SIX4: variants seen among roughly 807,000 people sequenced by gnomAD.
SIX4 encodes SIX homeobox 4.
In SIX4, 23 loss-of-function variants were observed where a neutral mutation model predicts 51.5. The ratio of observed to expected loss-of-function variants is 0.45; its 90% CI spans 0.32 to 0.63. SIX4 has a LOEUF of 0.63. Ranked by LOEUF, SIX4 falls within the 30% of genes least tolerant of loss-of-function variation. The probability of loss-of-function intolerance (pLI) is 0.04; values close to 1 mark genes in which losing one functional copy is unlikely to be tolerated. For synonymous variants in SIX4, 413 were observed against 417.3 expected (o/e 0.99, Z 0.13); for missense variants, 867 against 984.0 (o/e 0.88, Z 1.59).
chr14:60,713,179 C>T lies in SIX4; in HGVS notation c.*228G>A, dbSNP rs1212312325. The T allele has an allele frequency of 1.4e-5, 6 of 433,862 alleles. No individual in the cohort carries two copies. The East Asian group carries it at 2.3e-4, about 16-fold the overall frequency. The allele number at this position is 433,862 out of a possible 1,614,324, so 26.9% of individuals were successfully genotyped here. On this transcript the variant is annotated 3_prime_UTR_variant, in exon 3 of 3. Coordinates refer to ENST00000216513, the MANE Select transcript of SIX4 (RefSeq NM_017420.5). ...TACATTTCACCTTGTCCTTTGTCTCCATCTATTTAAAAGAGAAATTTATAA... is the reference window on the plus strand; with the variant it reads ...TACATTTCACCTTGTCCTTTGTCTCTATCTATTTAAAAGAGAAATTTATAA...
chr14:60,713,986 T>C lies in SIX4; in HGVS notation c.1767A>G (p.Gln589=), dbSNP rs1895871696. ...TTTCAGAAGACAGGTTTGCATTTACTTGTGCATTCTGATTGACAGGCATCA... is the reference window on the plus strand; with the variant it reads ...TTTCAGAAGACAGGTTTGCATTTACCTGTGCATTCTGATTGACAGGCATCA... The part of the protein sequence containing the change: ...SQLMPVNQNA[Q]VNANLSSENI... The change falls in exon 3 of 3, where the codon CAA becomes CAG. Residue 589 remains glutamine (Q), a synonymous_variant. Coordinates refer to ENST00000216513, the MANE Select transcript of SIX4 (RefSeq NM_017420.5). 3 of 1,614,066 alleles carry C rather than the reference T, an allele frequency of 1.9e-6. No homozygotes were observed. Among genetic ancestry groups the C allele is most frequent in the Non-Finnish European group, 2.5e-6 (3 of 1,180,020 alleles).
At position 60,724,240 on chromosome 14, in the gene SIX4, C is replaced by A. The variant is rs557023546; in HGVS notation, c.-166G>T. ...TGTATCTGGCCGATCAGGTTTCCCC[C>A]CGGCCACGCAGTCACCATTAAGATA... On this transcript the variant is annotated 5_prime_UTR_variant, in exon 1 of 3. Coordinates refer to ENST00000216513, the MANE Select transcript of SIX4 (RefSeq NM_017420.5). 1.5e-4 allele frequency: 238 copies of A among 1,540,092 alleles called. No homozygotes were observed. Among genetic ancestry groups the A allele is most frequent in the Admixed American group, 2.2e-4 (11 of 51,118 alleles).
Position 60,720,593 on chromosome 14 carries a change from T to G in SIX4, c.864-148A>C. The G allele has an allele frequency of 1.4e-6, 1 of 718,178 alleles. No individual in the cohort carries two copies. The highest frequency in any genetic ancestry group is 2.4e-5 in the South Asian group (1 of 42,022). The allele number at this position is 718,178 out of a possible 1,614,324, so 44.5% of individuals were successfully genotyped here. A position where few individuals can be genotyped will look rare whatever the true frequency, so the allele number is the denominator to read the frequency against. ...GGATATCTGCTAGTCCTATTTAAAC[T>G]AAGAGGCCTTTCAGCAGATTCCGAC... On this transcript the variant is annotated intron_variant, in intron 1 of 2. Transcript: ENST00000216513. The surrounding 1 kb of genome is among the most constrained non-coding windows in gnomAD (Gnocchi z 5.5).
chr14:60,713,135 A>C lies in SIX4; in HGVS notation c.*272T>G, dbSNP rs2140265703. On this transcript the variant is annotated 3_prime_UTR_variant, in exon 3 of 3. Transcript: ENST00000216513. ...ACCTTAGAATTATAGAGTCAACTAA[A>C]TGATTCACTTTGACTTGATACATTT... 3.1e-6 allele frequency: 1 copy of C among 318,772 alleles called. No individual in the cohort carries two copies. Among genetic ancestry groups the C allele is most frequent in the African/African-American group, 2.2e-5 (1 of 46,510 alleles). The allele number at this position is 318,772 out of a possible 1,614,324, so 19.7% of individuals were successfully genotyped here.
intron 2 of SIX4, among the ~76,000 whole-genome samples, chr14:60,716,661 TA>T (rs148910357): frequency 0.029 from 4,386 of 152,298 alleles, 172 homozygotes; most frequent in African/African-American, 0.093. Context: ...GTGTTAGAAT[TA>T]CAGGCGTGAC....
Position 60,722,920 on chromosome 14 carries a change from A to C in SIX4, c.863+292T>G. 8.6e-5 allele frequency: 27 copies of C among 313,224 alleles called. No individual in the cohort carries two copies. Among genetic ancestry groups the C allele is most frequent in the Middle Eastern group, 8.2e-4 (1 of 1,214 alleles). 19.4% of individuals were successfully genotyped at this position (313,224 alleles called of 1,614,324 possible). A position where few individuals can be genotyped will look rare whatever the true frequency, so the allele number is the denominator to read the frequency against. On this transcript the variant is annotated intron_variant, in intron 1 of 2. Transcript: ENST00000216513. This position sits in a 1 kb window ranked among gnomAD's most constrained non-coding sequence, Gnocchi z 5.9. ...CAAAGCCAGCGGGATGGGGGTGGGA[A>C]GCTGGGCAGCAGTGACCAGCCGAGG...
Position 60,713,727 on chromosome 14 carries a change from A to G in SIX4, c.2026T>C (p.Leu676=), listed in dbSNP as rs766811481. ...GCAGCCTGAGTCATAGGGACTGACA[A>G]TAGGTCTTGACCAGTAATAAGGGAG... The part of the protein sequence containing the change: ...NCSLITGQDL[L]SVPMTQAALG... Residue 676 remains leucine (L), a synonymous_variant, in exon 3 of 3, where the codon TTG becomes CTG. Transcript: ENST00000216513. The G allele has an allele frequency of 3.7e-6, 6 of 1,614,228 alleles. No homozygotes were observed. The highest frequency in any genetic ancestry group is 4.5e-5 in the East Asian group (2 of 44,890).
In SIX4 at chr14:60,717,138, G is replaced by C. The variant is rs1161969865; in HGVS notation, c.1549+2622C>G. ...TGCCCAGGCTGGAGTGCAATGGCGT[G>C]ATCTCGGCTCACTGCAACCTCCACC... is the stretch of plus-strand genomic sequence containing the variant. On this transcript the variant is annotated intron_variant, in intron 2 of 2. Transcript: ENST00000216513. This position sits in a 1 kb window ranked among gnomAD's most constrained non-coding sequence, Gnocchi z 4.6. 1 of 268,158 alleles carries C rather than the reference G, an allele frequency of 3.7e-6. No individual in the cohort carries two copies. Among genetic ancestry groups the C allele is most frequent in the Non-Finnish European group, 7.2e-6 (1 of 139,436 alleles). The allele number at this position is 268,158 out of a possible 1,614,324, so 16.6% of individuals were successfully genotyped here.
At chr14:60,721,594 G>C (rs1007640071) in intron 1 of SIX4, among the ~76,000 whole-genome samples, 3 of 145,088 alleles carry the variant, frequency 2.1e-5, no homozygotes, top group African/African-American at 7.4e-5. Flanking sequence ...GCCTAAACCA[G>C]GCAACTGGGC....
rs760854065 is a variant in SIX4, at chr14:60,720,383, G to T, written c.926C>A (p.Pro309His). 1 of 1,614,150 alleles carries T rather than the reference G, an allele frequency of 6.2e-7. No homozygotes were observed. Residue 309 changes from proline (P) to histidine (H), a missense_variant, in exon 2 of 3, where the codon CCT becomes CAT. Pro to His is a moderately conservative substitution (Grantham distance 77). Transcript: ENST00000216513. The surrounding 1 kb of genome is among the most constrained non-coding windows in gnomAD (Gnocchi z 5.5). ...ATCAGATGAACTGGAGAGTGGGTGA[G>T]GAGATAAATCCTCATGTCCCTTGCT... is the stretch of plus-strand genomic sequence containing the variant. Reference protein sequence around the residue: ...ESSKGHEDLSPHPLSSSSDGI... With the variant: ...ESSKGHEDLSHHPLSSSSDGI...
Position 60,710,955 on chromosome 14 carries a change from C to T in SIX4, c.*2452G>A, listed in dbSNP as rs569673359. On this transcript the variant is annotated 3_prime_UTR_variant, in exon 3 of 3. Coordinates refer to ENST00000216513, the MANE Select transcript of SIX4 (RefSeq NM_017420.5). ...TTCATAAGGGAGAAAAGAGGAAGAA[C>T]ACTGAATAAAAGAGAGGCTTATTGT... 5 of 151,318 alleles carry T rather than the reference C, an allele frequency of 3.3e-5. No individual in the cohort carries two copies. Among genetic ancestry groups the T allele is most frequent in the African/African-American group, 4.9e-5 (2 of 41,114 alleles). The allele number at this position is 151,318 out of a possible 1,614,324, so 9.4% of individuals were successfully genotyped here.
chr14:60,714,625 C>T (rs768258694), intron 2 of SIX4, among the ~76,000 whole-genome samples: 12 of 151,704 alleles, frequency 7.9e-5, no homozygotes, highest in South Asian at 6.2e-4. Flanking sequence ...TGACCTCGAA[C>T]GGTCTTGAGG....
rs1264280820 is a variant in SIX4, at chr14:60,712,933, T to G, written c.*474A>C. 6.5e-6 allele frequency: 1 copy of G among 154,056 alleles called. No individual in the cohort carries two copies. Among genetic ancestry groups the G allele is most frequent in the South Asian group, 2.0e-4 (1 of 4,898 alleles). 9.5% of individuals were successfully genotyped at this position (154,056 alleles called of 1,614,324 possible). ...AAAGAGGTGTGTGTGCATATATATA[T>G]GCATGCTACTTAACTTTAAAAATAT... On this transcript the variant is annotated 3_prime_UTR_variant, in exon 3 of 3. Coordinates refer to ENST00000216513, the MANE Select transcript of SIX4 (RefSeq NM_017420.5).
Position 60,713,861 on chromosome 14 carries a change from G to A in SIX4, c.1892C>T (p.Thr631Ile). 6.2e-7 allele frequency: 1 copy of A among 1,614,216 alleles called. No individual in the cohort carries two copies. Among genetic ancestry groups the A allele is most frequent in the Non-Finnish European group, 8.5e-7 (1 of 1,180,036 alleles). Residue 631 changes from threonine (T) to isoleucine (I), a missense_variant, in exon 3 of 3, where the codon ACT (threonine) becomes ATT (isoleucine). Transcript: ENST00000216513. ...ATCGGCAATGTCGCGGTTTAGCTCAGTGGGATTTAGTAGTGTAGAGGGACT... is the reference window on the plus strand; with the variant it reads ...ATCGGCAATGTCGCGGTTTAGCTCAATGGGATTTAGTAGTGTAGAGGGACT... ...SLSPSTLLNP[T>I]ELNRDIADSQ...
chr14:60,718,907 G>T (rs770926092), intron 2 of SIX4, among the ~76,000 whole-genome samples: 1 of 152,122 alleles, frequency 6.6e-6, no homozygotes, highest in Admixed American at 6.5e-5. Context: ...TGGATTTTCA[G>T]ATTTGTCTAC....
chr14:60,720,307 T>A lies in SIX4; in HGVS notation c.1002A>T (p.Gln334His), dbSNP rs1462804425. Residue 334 changes from glutamine (Q) to histidine (H), a missense_variant, in exon 2 of 3, where the codon CAA (glutamine) becomes CAT (histidine). Coordinates refer to ENST00000216513, the MANE Select transcript of SIX4 (RefSeq NM_017420.5). This position sits in a 1 kb window ranked among gnomAD's most constrained non-coding sequence, Gnocchi z 5.5. Reference sequence around the variant, plus strand: ...ATGATATCTTAGCATTTCCAATTTGTTGCATATATACTGGCTCCATATGAC... The same window carrying A: ...ATGATATCTTAGCATTTCCAATTTGATGCATATATACTGGCTCCATATGAC... ...LSSHMEPVYM[Q>H]QIGNAKISLS... 6.2e-7 allele frequency: 1 copy of A among 1,614,222 alleles called. No homozygotes were observed. Among genetic ancestry groups the A allele is most frequent in the Non-Finnish European group, 8.5e-7 (1 of 1,180,038 alleles).
chr14:60,713,913 C>A lies in SIX4; in HGVS notation c.1840G>T (p.Val614Leu). Residue 614 changes from valine to leucine, a missense_variant, in exon 3 of 3, where the codon GTA (valine) becomes TTA (leucine). Coordinates refer to ENST00000216513, the MANE Select transcript of SIX4 (RefSeq NM_017420.5). Reference sequence around the variant, plus strand: ...AGAGAAAAATTGTGAGTTGGAGATACATTAACTAATGAGGAGGCCAGTGGA... The same window carrying A: ...AGAGAAAAATTGTGAGTTGGAGATAAATTAACTAATGAGGAGGCCAGTGGA... ...LHPLASSLVNVSPTHNFSLSP... is the reference protein window; with the variant it reads ...LHPLASSLVNLSPTHNFSLSP... The A allele has an allele frequency of 6.2e-7, 1 of 1,614,166 alleles. No homozygotes were observed. Among genetic ancestry groups the A allele is most frequent in the South Asian group, 1.1e-5 (1 of 91,070 alleles).
chr14:60,723,130 G>A, intron 1 of SIX4, 82 bp downstream of exon 1: 1 of 1,450,286 alleles, frequency 6.9e-7, no homozygotes, highest in Non-Finnish European at 9.0e-7. Context: ...TAAGCGCCAT[G>A]TTTGCGAGCA....
rs1594701376 is a variant in SIX4, at chr14:60,722,941, C to T, written c.863+271G>A. On this transcript the variant is annotated intron_variant, in intron 1 of 2. Transcript: ENST00000216513. The surrounding 1 kb of genome is among the most constrained non-coding windows in gnomAD (Gnocchi z 5.9). Reference sequence around the variant, plus strand: ...GGGAAGCTGGGCAGCAGTGACCAGCCGAGGTGGGGGCGGGGACTGAGACCT... The same window carrying T: ...GGGAAGCTGGGCAGCAGTGACCAGCTGAGGTGGGGGCGGGGACTGAGACCT... The T allele has an allele frequency of 3.6e-5, 15 of 411,844 alleles. No individual in the cohort carries two copies. The South Asian group carries it at 4.9e-4, about 13-fold the overall frequency. 25.5% of individuals were successfully genotyped at this position (411,844 alleles called of 1,614,324 possible). A position where few individuals can be genotyped will look rare whatever the true frequency, so the allele number is the denominator to read the frequency against.
Sources: gnomAD v4.1 joint callset for allele counts (sites outside exome capture counted in the v4.1 genomes callset) on GRCh38, gnomAD v4.1.1 for gene constraint, Gnocchi (gnomAD v3.1) non-coding constraint, MANE v1.5 for transcripts, NCBI Gene and HGNC (gene_info 2026-07-23, HGNC 2026-07-21) for gene names.